NUP98: variants seen among roughly 807,000 people sequenced by gnomAD.
NUP98 encodes the protein nuclear pore complex protein Nup98-Nup96.
Under a neutral mutation model 191.9 loss-of-function variants are expected in NUP98, and 26 were observed. The observed-to-expected ratio is 0.14, with a 90% CI of 0.10 to 0.19. NUP98 has a LOEUF of 0.19. NUP98 is among the 10% of genes least tolerant of loss of function. The pLI, the probability that NUP98 is intolerant of heterozygous loss-of-function variation, is 1.00. For missense variants in NUP98, 1,941 were observed against 2,178.8 expected, an observed-to-expected ratio of 0.89 and a Z score of 2.17; for synonymous variants, 808 against 778.4, an observed-to-expected ratio of 1.04 and a Z score of -0.63.
Position 3,714,132 on chromosome 11 carries a change from T to C in NUP98, c.2400-137A>G, listed in dbSNP as rs1352722269. 4 of 890,450 alleles carry C rather than the reference T, an allele frequency of 4.5e-6. No homozygotes were observed. In the African/African-American group the frequency reaches 6.8e-5, roughly 15 times the overall value. 55.2% of individuals were successfully genotyped at this position (890,450 alleles called of 1,614,324 possible). ...GAATTATTCTGCATGTGTCATAAACTTGAGTTTTGCCCCATAAGCTTAAGA... is the reference window on the plus strand; with the variant it reads ...GAATTATTCTGCATGTGTCATAAACCTGAGTTTTGCCCCATAAGCTTAAGA... On this transcript the variant is annotated intron_variant, in intron 18 of 32. Coordinates refer to ENST00000324932, the MANE Select transcript of NUP98 (RefSeq NM_016320.5).
At chr11:3,780,541 CAAAAAAAAA>C (rs142060672) in intron 2 of NUP98, among the ~76,000 whole-genome samples, 6 of 74,798 alleles carry the variant, frequency 8.0e-5, no homozygotes, top group Non-Finnish European at 1.3e-4. Flanking sequence ...GACTCCATCT[CAAAAAAAAA>C]AAAAAAAAAA....
intron 8 of NUP98, 59 bp downstream of exon 8, chr11:3,768,522 T>C (rs2081414461): frequency 7.2e-7 from 1 of 1,393,096 alleles, no homozygotes. Flanking sequence ...ATGATTAGAA[T>C]CCTCATTACT....
At chr11:3,775,006 C>T (rs932244369) in intron 5 of NUP98, among the ~76,000 whole-genome samples, 1 of 152,222 alleles carries the variant, frequency 6.6e-6, no homozygotes, top group African/African-American at 2.4e-5. Context: ...GCACCTCCAG[C>T]ATACCCTAAG....
intron 2 of NUP98, among the ~76,000 whole-genome samples, chr11:3,780,258 T>C (rs1202917264): frequency 1.3e-5 from 2 of 149,850 alleles, no homozygotes; most frequent in Non-Finnish European, 3.0e-5. Context: ...GCGGGGAAGT[T>C]ACAGGCTCAC....
intron 18 of NUP98, 81 bp downstream of exon 18, chr11:3,719,331 A>G (rs2079305828): frequency 1.8e-6 from 2 of 1,106,626 alleles, no homozygotes. Flanking sequence ...CTACAGAAGC[A>G]TACATCTAAA....
chr11:3,678,702 T>C (rs1377642164), intron 31 of NUP98, among the ~76,000 whole-genome samples: 3 of 152,200 alleles, frequency 2.0e-5, no homozygotes, highest in East Asian at 1.9e-4. Context: ...ATAAGAGTGG[T>C]AGGAGTAAGG....
chr11:3,723,583 C>T lies in NUP98; in HGVS notation c.1848-128G>A. 5 of 691,820 alleles carry T rather than the reference C, an allele frequency of 7.2e-6. No homozygotes were observed. The South Asian group carries it at 7.6e-5, about 11-fold the overall frequency. The allele number at this position is 691,820 out of a possible 1,614,324, so 42.9% of individuals were successfully genotyped here. ...GATAGTTCCATGTATTAAAAATTCA[C>T]TTAATACTTACTACAGCAGTACTGT... On this transcript the variant is annotated intron_variant, in intron 15 of 32. Transcript: ENST00000324932.
At chr11:3,741,216 G>T (rs563452156) in intron 12 of NUP98, among the ~76,000 whole-genome samples, 5 of 151,866 alleles carry the variant, frequency 3.3e-5, no homozygotes, top group Non-Finnish European at 7.4e-5. Context: ...ACAGAAGAAC[G>T]CTAAAAAAAT....
chr11:3,676,126 G>T lies in NUP98; in HGVS notation c.*33C>A. On this transcript the variant is annotated 3_prime_UTR_variant, in exon 33 of 33. Coordinates refer to ENST00000324932, the MANE Select transcript of NUP98 (RefSeq NM_016320.5). ...CAGGGAACCTCTGTGTGGTGTGAAT[G>T]GGCATGTGACTGTGATGCAAAGTGC... The T allele has an allele frequency of 6.3e-7, 1 of 1,591,888 alleles. No individual in the cohort carries two copies.
intron 23 of NUP98, among the ~76,000 whole-genome samples, chr11:3,701,689 CTCTT>C (rs2078684523): frequency 1.3e-5 from 2 of 149,000 alleles, no homozygotes; most frequent in East Asian, 3.9e-4. Flanking sequence ...TTTCTTTTCT[CTCTT>C]TTTTTTTTTT....
At chr11:3,679,472 A>T in intron 31 of NUP98, 82 bp downstream of exon 31, 1 of 1,461,262 alleles carries the variant, frequency 6.8e-7, no homozygotes, top group Non-Finnish European at 9.6e-7. Context: ...TCTCAAGTGT[A>T]TACTAAGGCC....
In NUP98 at chr11:3,686,144, G is replaced by T; in HGVS notation, c.4505C>A (p.Pro1502His). ...LLEPRSITAD[P>H]LDYRLSWHLW... ...GTGCCAGCTTAGGCGGTAGTCCAAA[G>T]GATCTGCTGTTATGCTTCGAGGCTC... Residue 1502 changes from proline to histidine, a missense_variant, in exon 29 of 33, where the codon CCT becomes CAT. Transcript: ENST00000324932. 1 of 1,614,240 alleles carries T rather than the reference G, an allele frequency of 6.2e-7. No individual in the cohort carries two copies. The highest frequency in any genetic ancestry group is 8.5e-7 in the Non-Finnish European group (1 of 1,180,054).
At chr11:3,710,488 C>T (rs1405540762) in intron 20 of NUP98, among the ~76,000 whole-genome samples, 1 of 151,986 alleles carries the variant, frequency 6.6e-6, no homozygotes, top group African/African-American at 2.4e-5. Context: ...ACAAATGTGA[C>T]CATTAAAGAA....
intron 22 of NUP98, among the ~76,000 whole-genome samples, chr11:3,703,216 CTT>C (rs1310254994): frequency 1.2e-3 from 170 of 139,052 alleles, no homozygotes; most frequent in African/African-American, 3.5e-3. Context: ...TCTTCAAAAA[CTT>C]TTTTTTTTTT....
intron 12 of NUP98, among the ~76,000 whole-genome samples, 164 bp downstream of exon 12, chr11:3,744,345 G>A (rs1363630475): frequency 2.0e-5 from 3 of 152,214 alleles, no homozygotes; most frequent in African/African-American, 7.2e-5. Flanking sequence ...GGAAAGCAGA[G>A]TAGGCCAGGA....
In NUP98 at chr11:3,716,716, T is replaced by G. The variant is rs111339240; in HGVS notation, c.2399+2696A>C. On this transcript the variant is annotated intron_variant, in intron 18 of 32. Coordinates refer to ENST00000324932, the MANE Select transcript of NUP98 (RefSeq NM_016320.5). Reference sequence around the variant, plus strand: ...CAGCAAGACCCTATCTCAAAAATCATTCGACTATATAGATGAAGTTTTATT... The same window carrying G: ...CAGCAAGACCCTATCTCAAAAATCAGTCGACTATATAGATGAAGTTTTATT... Among the ~76,000 whole-genome samples, 387 of 152,144 alleles carry G rather than the reference T, an allele frequency of 2.5e-3. 2 individuals carry two copies. The highest frequency in any genetic ancestry group is 8.9e-3 in the African/African-American group (370 of 41,508).
chr11:3,706,342 C>T (rs183558787), intron 21 of NUP98, 103 bp downstream of exon 21: 1 of 1,031,444 alleles, frequency 9.7e-7, no homozygotes, highest in Non-Finnish European at 1.5e-6. Context: ...TTACAGTGAG[C>T]ACTCAATGAT....
At chr11:3,780,196 A>G (rs2081908736) in intron 2 of NUP98, among the ~76,000 whole-genome samples, 1 of 151,856 alleles carries the variant, frequency 6.6e-6, no homozygotes, top group Non-Finnish European at 1.5e-5. Flanking sequence ...ATGGACGTAG[A>G]ATTCTTTAAA....
intron 26 of NUP98, among the ~76,000 whole-genome samples, chr11:3,694,137 C>T (rs1285612836): frequency 4.6e-5 from 7 of 151,084 alleles, no homozygotes; most frequent in Middle Eastern, 7.0e-3. Flanking sequence ...TTTGGGAGGC[C>T]GAGGTGGGTG....
Sources: allele counts gnomAD v4.1 joint callset (sites outside exome capture counted in the v4.1 genomes callset), GRCh38; gene constraint gnomAD v4.1.1; transcripts MANE v1.5; gene names NCBI Gene and HGNC (gene_info 2026-07-23, HGNC 2026-07-21).